The following SETX variants were observed in gnomAD, a reference collection of about 807,000 sequenced individuals.
SETX encodes helicase senataxin.
A neutral mutation model predicts 227.2 loss-of-function variants in SETX; 90 were observed. The observed-to-expected ratio is 0.40, with a 90% confidence interval of 0.33 to 0.47. SETX has a LOEUF of 0.47. Ranked by LOEUF, SETX falls within the 20% of genes least tolerant of loss-of-function variation. The pLI is 0.91. For missense variants in SETX, 3,052 were observed against 3,181.5 expected, an observed-to-expected ratio of 0.96 and a Z score of 0.98; for synonymous variants, 1,210 against 1,113.2, an observed-to-expected ratio of 1.09 and a Z score of -1.73.
chr9:132,288,415 A>G, intron 16 of SETX, 64 bp from the exon 17 acceptor site: 1 of 1,438,884 alleles, frequency 6.9e-7, no homozygotes, highest in Non-Finnish European at 9.7e-7. Context: ...ACACACATAT[A>G]CAACACAATG....
intron 15 of SETX, among the ~76,000 whole-genome samples, chr9:132,294,966 C>T (rs1325795817): frequency 6.6e-6 from 1 of 152,148 alleles, no homozygotes; most frequent in African/African-American, 2.4e-5. Context: ...TCTGCTAAAT[C>T]AAATCCTGTT....
intron 11 of SETX, among the ~76,000 whole-genome samples, chr9:132,302,270 T>C (rs1480776701): frequency 6.9e-6 from 1 of 143,954 alleles, no homozygotes; most frequent in Non-Finnish European, 1.5e-5. Context: ...GGCAGGAGAA[T>C]GACGTGAACC....
chr9:132,350,081 G>A (rs756737393), intron 2 of SETX, among the ~76,000 whole-genome samples: 3 of 151,572 alleles, frequency 2.0e-5, no homozygotes, highest in Non-Finnish European at 2.9e-5. Flanking sequence ...AGCTGGGAAC[G>A]GTGGCTCATG....
chr9:132,296,735 C>A, intron 14 of SETX, 152 bp downstream of exon 14: 1 of 727,956 alleles, frequency 1.4e-6, no homozygotes, highest in African/African-American at 1.8e-5. Flanking sequence ...CCCTCTGCCA[C>A]CCTTTTCTCT....
At chr9:132,282,313 T>A (rs978794912) in intron 19 of SETX, among the ~76,000 whole-genome samples, 7 of 149,868 alleles carry the variant, frequency 4.7e-5, no homozygotes, top group South Asian at 2.1e-4. Flanking sequence ...TTTTTTTTTT[T>A]GAGAGAGAGA....
intron 17 of SETX, among the ~76,000 whole-genome samples, chr9:132,287,638 T>C (rs1003068884): frequency 6.6e-6 from 1 of 152,002 alleles, no homozygotes; most frequent in Non-Finnish European, 1.5e-5. Context: ...AAACCAACCA[T>C]ATGGCTTGCA....
intron 19 of SETX, among the ~76,000 whole-genome samples, chr9:132,282,296 C>CT (rs1454215965): frequency 3.4e-5 from 5 of 145,630 alleles, no homozygotes; most frequent in South Asian, 2.2e-4. Context: ...TATTTTTTAA[C>CT]TTATTTTTTT....
In SETX at chr9:132,334,645, C is replaced by T; in HGVS notation, c.801G>A (p.Met267Ile). The T allele has an allele frequency of 6.2e-7, 1 of 1,614,032 alleles. No homozygotes were observed. The highest frequency in any genetic ancestry group is 8.5e-7 in the Non-Finnish European group (1 of 1,179,950). ...LLGSDKQNDF[M>I]QSILHTMERE... The stretch of plus-strand genomic sequence containing the variant: ...TCTCCATAGTGTGAAGTATCGATTG[C>T]ATAAAATCATTTTGTTTGTCTGAGC... The change falls in exon 7 of 26, where the codon ATG (methionine) becomes ATA (isoleucine). Residue 267 changes from methionine (M) to isoleucine (I), a missense_variant. Physicochemically the swap from Met to Ile is conservative, Grantham distance 10 (BLOSUM62 1). Around this residue, in one of 10 missense-constraint regions of SETX, gnomAD observed 239 missense variants for 240.8 expected, o/e 0.99. Coordinates refer to ENST00000224140, the MANE Select transcript of SETX (RefSeq NM_015046.7).
intron 3 of SETX, among the ~76,000 whole-genome samples, chr9:132,348,072 AC>A (rs1848389150): frequency 6.6e-6 from 1 of 151,256 alleles, no homozygotes; most frequent in East Asian, 1.9e-4. Context: ...AAAAAAAAAA[AC>A]CCTGGCCAGG....
At chr9:132,276,219 C>A (rs1342013243) in intron 22 of SETX, among the ~76,000 whole-genome samples, 1 of 152,208 alleles carries the variant, frequency 6.6e-6, no homozygotes, top group Admixed American at 6.5e-5. Context: ...GCGATCTCTT[C>A]CATCCCTGAA....
At chr9:132,355,195 C>T (rs1848849311), upstream of SETX, among the ~76,000 whole-genome samples, 1 of 152,096 alleles carries the variant, frequency 6.6e-6, no homozygotes, top group African/African-American at 2.4e-5. Context: ...CGACCAATCC[C>T]GAGTCCCCGT....
intron 10 of SETX, among the ~76,000 whole-genome samples, chr9:132,312,239 TC>T (rs1179389966): frequency 6.6e-6 from 1 of 152,090 alleles, no homozygotes; most frequent in Non-Finnish European, 1.5e-5. Flanking sequence ...ATCAGCTAGC[TC>T]ACAAGTCCAA....
intron 22 of SETX, 28 bp downstream of exon 22, chr9:132,277,032 A>G: frequency 6.4e-7 from 1 of 1,564,792 alleles, no homozygotes; most frequent in Non-Finnish European, 8.8e-7. Flanking sequence ...TGGGACTATC[A>G]GAGGACTGAG....
At chr9:132,297,326 C>A (rs1215688375) in intron 13 of SETX, among the ~76,000 whole-genome samples, 1 of 152,216 alleles carries the variant, frequency 6.6e-6, no homozygotes. Context: ...TTTATTCTTA[C>A]AAAGATAATC....
chr9:132,308,774 CA>C (rs1845478628), intron 11 of SETX, among the ~76,000 whole-genome samples: 1 of 152,098 alleles, frequency 6.6e-6, no homozygotes, highest in Admixed American at 6.5e-5. Context: ...CAATTCTTCC[CA>C]AATTTCCACT....
At chr9:132,337,448 A>AC (rs1847697715) in intron 5 of SETX, among the ~76,000 whole-genome samples, 1 of 151,536 alleles carries the variant, frequency 6.6e-6, no homozygotes, top group Non-Finnish European at 1.5e-5. Flanking sequence ...AAAAAAAAAA[A>AC]CAAGAACAGA....
intron 5 of SETX, among the ~76,000 whole-genome samples, chr9:132,337,873 A>T (rs1192644768): frequency 3.3e-5 from 5 of 152,188 alleles, no homozygotes; most frequent in African/African-American, 9.6e-5. Context: ...TAAAGTATCT[A>T]AACAATAGAA....
At chr9:132,298,755 G>A (rs951718944) in intron 12 of SETX, among the ~76,000 whole-genome samples, 2 of 152,172 alleles carry the variant, frequency 1.3e-5, no homozygotes, top group Non-Finnish European at 2.9e-5. Context: ...TTTAGAAATA[G>A]GGAGAAGGCT....
intron 15 of SETX, among the ~76,000 whole-genome samples, chr9:132,291,159 C>CTTTT (rs139976052): frequency 1.9e-3 from 158 of 83,806 alleles, no homozygotes; most frequent in Middle Eastern, 0.012. Context: ...GTTTGAAAAC[C>CTTTT]TTTTTTTTTT....
Sources: allele counts gnomAD v4.1 joint callset (sites outside exome capture counted in the v4.1 genomes callset), GRCh38; gene constraint gnomAD v4.1.1; regional missense constraint gnomAD v4.1.1; transcripts MANE v1.5; gene names NCBI Gene and HGNC (gene_info 2026-07-23, HGNC 2026-07-21).